KATNAL1: variants seen among roughly 807,000 people sequenced by gnomAD.
KATNAL1 encodes katanin p60 ATPase-containing subunit A-like 1.
KATNAL1 carries 32 observed loss-of-function variants against 55.2 expected under a neutral mutation model. That is an observed-to-expected ratio of 0.58 (90% CI 0.44 to 0.78). The LOEUF is 0.78. KATNAL1 is among the 30% of genes least tolerant of loss of function. The probability of loss-of-function intolerance (pLI) is 0.00; values close to 1 mark genes in which losing one functional copy is unlikely to be tolerated. For missense variants in KATNAL1, 466 were observed against 600.9 expected (o/e 0.78, Z 2.35); for synonymous variants, 193 against 193.6 (o/e 1.00, Z 0.02).
In KATNAL1 at chr13:30,269,865, C is replaced by G. The variant is rs528099470; in HGVS notation, c.323+10198G>C. ...GCCACCCCGTCTGGGAAGTGAGGAG[C>G]GTCTCCGCCCGGCAGCCACCCCGTC... On this transcript the variant is annotated intron_variant, in intron 3 of 10. Coordinates refer to ENST00000380615, the MANE Select transcript of KATNAL1 (RefSeq NM_032116.5). 1.3e-3 allele frequency among the ~76,000 whole-genome samples: 199 copies of G among 150,814 alleles called. 1 individual carries two copies. The highest frequency in any genetic ancestry group is 4.7e-3 in the African/African-American group (191 of 40,954).
At chr13:30,239,973 G>A (rs540235555) in intron 6 of KATNAL1, among the ~76,000 whole-genome samples, 3 of 151,930 alleles carry the variant, frequency 2.0e-5, no homozygotes, top group Admixed American at 6.6e-5. Flanking sequence ...TGTAAGCCAC[G>A]GTACCCAGCC....
intron 6 of KATNAL1, among the ~76,000 whole-genome samples, chr13:30,232,641 T>C (rs555915706): frequency 6.6e-6 from 1 of 152,292 alleles, no homozygotes; most frequent in South Asian, 2.1e-4. Flanking sequence ...CATCCTGTAA[T>C]GCCATTAATG....
Position 30,295,479 on chromosome 13 carries a change from C to T in KATNAL1, c.-14-11688G>A, listed in dbSNP as rs112439496. Among the ~76,000 whole-genome samples the T allele has an allele frequency of 4.2e-3, 633 of 152,124 alleles. 7 individuals carry two copies. The highest frequency in any genetic ancestry group is 0.015 in the African/African-American group (607 of 41,482). ...CTGCAATCTCATGACAAAACATAAA[C>T]GGGGTAGGGCACAGTGGCTCACACC... On this transcript the variant is annotated intron_variant, in intron 1 of 10. Transcript: ENST00000380615.
Position 30,208,433 on chromosome 13 carries a change from G to T in KATNAL1, c.*107C>A. 4.4e-6 allele frequency: 4 copies of T among 902,310 alleles called. No individual in the cohort carries two copies. Among genetic ancestry groups the T allele is most frequent in the Non-Finnish European group, 6.5e-6 (4 of 614,888 alleles). 55.9% of individuals were successfully genotyped at this position (902,310 alleles called of 1,614,324 possible). ...TTTTAGATTTTTTTTTCCTTTAAGC[G>T]AAAACCACTCCACTGAAAAAAATTC... is the stretch of plus-strand genomic sequence containing the variant. On this transcript the variant is annotated 3_prime_UTR_variant, in exon 11 of 11. Transcript: ENST00000380615.
At chr13:30,298,687 T>C (rs1186556357) in intron 1 of KATNAL1, among the ~76,000 whole-genome samples, 1 of 152,046 alleles carries the variant, frequency 6.6e-6, no homozygotes, top group Middle Eastern at 3.2e-3. Context: ...AAATATATAG[T>C]CACTGAAATA....
intron 1 of KATNAL1, among the ~76,000 whole-genome samples, chr13:30,293,884 T>C (rs953084847): frequency 6.6e-6 from 1 of 152,254 alleles, no homozygotes; most frequent in African/African-American, 2.4e-5. Context: ...ATGTCACATT[T>C]TGGTAATTCT....
chr13:30,208,216 AT>A lies in KATNAL1; in HGVS notation c.*323del, dbSNP rs1873330771. The A allele has an allele frequency of 5.2e-6, 1 of 191,922 alleles. No individual in the cohort carries two copies. The highest frequency in any genetic ancestry group is 6.0e-5 in the Admixed American group (1 of 16,582). The allele number at this position is 191,922 out of a possible 1,614,324, so 11.9% of individuals were successfully genotyped here. A position where few individuals can be genotyped will look rare whatever the true frequency, so the allele number is the denominator to read the frequency against. Reference sequence around the variant, plus strand: ...TGGAAAAAAAAACTGCAAATGAGAAATAGGGGTATTTCTAAATCTTCTGTAT... The same window carrying A: ...TGGAAAAAAAAACTGCAAATGAGAAAAGGGGTATTTCTAAATCTTCTGTAT... On this transcript the variant is annotated 3_prime_UTR_variant, in exon 11 of 11. Coordinates refer to ENST00000380615, the MANE Select transcript of KATNAL1 (RefSeq NM_032116.5).
intron 4 of KATNAL1, among the ~76,000 whole-genome samples, chr13:30,249,793 G>A (rs141783371): frequency 1.6e-3 from 245 of 152,290 alleles, no homozygotes; most frequent in African/African-American, 5.6e-3. Context: ...CTTGACCCCA[G>A]AGCTGATGGT....
chr13:30,235,832 T>A (rs1300572603), intron 6 of KATNAL1, among the ~76,000 whole-genome samples: 1 of 151,170 alleles, frequency 6.6e-6, no homozygotes, highest in Non-Finnish European at 1.5e-5. Flanking sequence ...AAAATCTGCA[T>A]ATAACGTTTG....
chr13:30,209,783 C>CT (rs1392660308), intron 10 of KATNAL1, among the ~76,000 whole-genome samples: 5 of 151,558 alleles, frequency 3.3e-5, no homozygotes, highest in Admixed American at 6.6e-5. Flanking sequence ...ACAATAATTT[C>CT]TTTTTTTTTC....
At chr13:30,281,773 A>G (rs558327486) in intron 2 of KATNAL1, 1 of 152,350 alleles carries the variant, frequency 6.6e-6, no homozygotes, top group East Asian at 1.9e-4. Context: ...GAGTGTCTGC[A>G]TTGGCAGCAC....
At chr13:30,229,030 G>A (rs989249638) in intron 8 of KATNAL1, among the ~76,000 whole-genome samples, 1 of 152,210 alleles carries the variant, frequency 6.6e-6, no homozygotes, top group Non-Finnish European at 1.5e-5. Context: ...TGGGACTACA[G>A]GCATGAGCCA....
At chr13:30,219,996 A>G (rs1267818586) in intron 9 of KATNAL1, among the ~76,000 whole-genome samples, 1 of 152,198 alleles carries the variant, frequency 6.6e-6, no homozygotes, top group Non-Finnish European at 1.5e-5. Flanking sequence ...CCTTTATTAT[A>G]GTGAAGAATT....
intron 4 of KATNAL1, among the ~76,000 whole-genome samples, chr13:30,249,244 A>G (rs1297089757): frequency 6.6e-6 from 1 of 152,044 alleles, no homozygotes; most frequent in Non-Finnish European, 1.5e-5. Flanking sequence ...AAAAAAAAAA[A>G]AGACTGACAA....
chr13:30,278,440 T>G (rs1373435197), intron 3 of KATNAL1, among the ~76,000 whole-genome samples: 1 of 152,242 alleles, frequency 6.6e-6, no homozygotes, highest in Non-Finnish European at 1.5e-5. Flanking sequence ...AGATCTATGT[T>G]ATGAACAGTT....
intron 3 of KATNAL1, among the ~76,000 whole-genome samples, chr13:30,275,767 G>T (rs754149794): frequency 6.6e-6 from 1 of 151,876 alleles, no homozygotes; most frequent in Non-Finnish European, 1.5e-5. Context: ...TTAGCTTATT[G>T]TGATAAATAT....
chr13:30,232,803 T>C (rs1015958848), intron 6 of KATNAL1, among the ~76,000 whole-genome samples: 1 of 152,136 alleles, frequency 6.6e-6, no homozygotes, highest in Non-Finnish European at 1.5e-5. Flanking sequence ...TTCCCCTCGG[T>C]ATACAAATAT....
intron 9 of KATNAL1, among the ~76,000 whole-genome samples, chr13:30,220,857 G>A (rs190447050): frequency 2.0e-3 from 307 of 152,048 alleles, no homozygotes; most frequent in African/African-American, 7.2e-3. Flanking sequence ...CTGCTACCAC[G>A]TCTGGCTAAC....
intron 3 of KATNAL1, among the ~76,000 whole-genome samples, chr13:30,274,911 A>G (rs1276915153): frequency 0.054 from 4,932 of 90,856 alleles, 119 homozygotes; most frequent in African/African-American, 0.099. Context: ...GCGCGCGCAC[A>G]CACACACACA....
Sources: allele counts gnomAD v4.1 joint callset (sites outside exome capture counted in the v4.1 genomes callset), GRCh38; gene constraint gnomAD v4.1.1; transcripts MANE v1.5; gene names NCBI Gene and HGNC (gene_info 2026-07-23, HGNC 2026-07-21).